Variants in IMMP2L observed in about 807,000 individuals in gnomAD.
IMMP2L encodes the protein inner mitochondrial membrane peptidase subunit 2, also known as mitochondrial inner membrane protease subunit 2.
In IMMP2L, 18 loss-of-function variants were observed where a neutral mutation model predicts 19.3. The ratio of observed to expected loss-of-function variants is 0.93; its 90% CI spans 0.64 to 1.38. The LOEUF is 1.38. IMMP2L is among the 40% of genes most tolerant of loss of function. The probability of loss-of-function intolerance (pLI) is 0.00; values close to 1 mark genes in which losing one functional copy is unlikely to be tolerated. For synonymous variants in IMMP2L, 76 were observed against 73.0 expected, an observed-to-expected ratio of 1.04 and a Z score of -0.21; for missense variants, 233 against 218.2, an observed-to-expected ratio of 1.07 and a Z score of -0.43.
chr7:110,879,568 A>G (rs2129544761), intron 5 of IMMP2L, among the ~76,000 whole-genome samples: 1 of 152,106 alleles, frequency 6.6e-6, no homozygotes, highest in African/African-American at 2.4e-5. Context: ...CCAATCCTGA[A>G]TTTTTTACTG....
intron 3 of IMMP2L, among the ~76,000 whole-genome samples, chr7:111,172,236 A>G (rs1806524533): frequency 6.6e-6 from 1 of 151,482 alleles, no homozygotes; most frequent in Non-Finnish European, 1.5e-5. Context: ...ACTGCACTCA[A>G]CATTGAGTGC....
chr7:111,042,105 T>C (rs1399495039), intron 3 of IMMP2L, among the ~76,000 whole-genome samples: 2 of 152,228 alleles, frequency 1.3e-5, no homozygotes, highest in African/African-American at 4.8e-5. Flanking sequence ...AAATATTCCT[T>C]ATAATCCCCC....
chr7:110,963,996 T>G (rs991357597), intron 3 of IMMP2L, among the ~76,000 whole-genome samples: 18 of 17,354 alleles, frequency 1.0e-3, no homozygotes, highest in Non-Finnish European at 1.7e-3. Flanking sequence ...GATTCCCTCA[T>G]GTTGTTCTCC....
intron 3 of IMMP2L, among the ~76,000 whole-genome samples, chr7:111,356,472 C>A (rs1368204980): frequency 6.6e-6 from 1 of 152,068 alleles, no homozygotes; most frequent in Non-Finnish European, 1.5e-5. Flanking sequence ...TATGTTATAT[C>A]AGGGATTTGA....
intron 3 of IMMP2L, among the ~76,000 whole-genome samples, chr7:111,377,333 T>C (rs1563118570): frequency 6.6e-6 from 1 of 152,040 alleles, no homozygotes; most frequent in African/African-American, 2.4e-5. Context: ...CTCTATAGTA[T>C]AGTATCCTTC....
intron 5 of IMMP2L, among the ~76,000 whole-genome samples, chr7:110,712,148 C>G (rs1299699087): frequency 7.8e-6 from 1 of 128,004 alleles, no homozygotes; most frequent in African/African-American, 2.6e-5. Context: ...GTTTTATCTA[C>G]TTTTGGTCTT....
chr7:111,526,804 T>C (rs1213539486), intron 1 of IMMP2L, among the ~76,000 whole-genome samples: 1 of 152,166 alleles, frequency 6.6e-6, no homozygotes, highest in East Asian at 1.9e-4. Context: ...CTGTTCATCA[T>C]GCCCTGCATG....
chr7:111,536,043 G>A (rs1480786552), intron 1 of IMMP2L, among the ~76,000 whole-genome samples: 4 of 152,002 alleles, frequency 2.6e-5, no homozygotes, highest in African/African-American at 4.8e-5. Context: ...AAAAGGAGAC[G>A]GGAGCTTGCC....
chr7:111,070,883 T>C (rs528570597), intron 3 of IMMP2L, among the ~76,000 whole-genome samples: 40 of 152,328 alleles, frequency 2.6e-4, no homozygotes, highest in South Asian at 1.0e-3. Context: ...CTTGGTACTA[T>C]TATTAATTCA....
At chr7:111,040,784 A>G (rs1055326875) in intron 3 of IMMP2L, among the ~76,000 whole-genome samples, 3 of 150,256 alleles carry the variant, frequency 2.0e-5, no homozygotes, top group Non-Finnish European at 4.4e-5. Flanking sequence ...ATAAAATCTA[A>G]TATTAAATCT....
chr7:111,316,684 G>A (rs1046777725), intron 3 of IMMP2L, among the ~76,000 whole-genome samples: 4 of 151,752 alleles, frequency 2.6e-5, no homozygotes, highest in South Asian at 2.1e-4. Flanking sequence ...AAGGACATCC[G>A]ATAGTCAAAA....
intron 3 of IMMP2L, among the ~76,000 whole-genome samples, chr7:111,045,158 G>A (rs1015168733): frequency 9.2e-5 from 14 of 152,132 alleles, no homozygotes; most frequent in Non-Finnish European, 1.5e-4. Flanking sequence ...CAAAATTTGC[G>A]TCTCTGTAAA....
rs944727095 is a variant in IMMP2L, at chr7:111,562,486, G to C, written c.-638C>G. 2 of 151,636 alleles carry C rather than the reference G, an allele frequency of 1.3e-5. No individual in the cohort carries two copies. The highest frequency in any genetic ancestry group is 1.3e-4 in the Admixed American group (2 of 15,190). The allele number at this position is 151,636 out of a possible 1,614,324, so 9.4% of individuals were successfully genotyped here. A position where few individuals can be genotyped will look rare whatever the true frequency, so the allele number is the denominator to read the frequency against. The stretch of plus-strand genomic sequence containing the variant: ...CACCCGCTGCGCAGCTCAGCCCGGG[G>C]GAAGTCCCCGCGCAGACCCCGCCCT... On this transcript the variant is annotated 5_prime_UTR_variant, in exon 1 of 6. Transcript: ENST00000405709.
intron 4 of IMMP2L, among the ~76,000 whole-genome samples, chr7:110,956,803 A>G (rs1385614508): frequency 1.3e-5 from 2 of 151,962 alleles, no homozygotes; most frequent in Admixed American, 6.6e-5. Flanking sequence ...CTGACTGGGC[A>G]GAGAAGATCT....
At chr7:111,280,873 T>C (rs1819617459) in intron 3 of IMMP2L, among the ~76,000 whole-genome samples, 1 of 151,664 alleles carries the variant, frequency 6.6e-6, no homozygotes, top group Admixed American at 6.6e-5. Flanking sequence ...ATCGAGACCA[T>C]CCTGTCTAAC....
At chr7:111,114,769 A>G in intron 3 of IMMP2L, among the ~76,000 whole-genome samples, 1 of 152,004 alleles carries the variant, frequency 6.6e-6, no homozygotes, top group Non-Finnish European at 1.5e-5. Flanking sequence ...AAAGAAAAAA[A>G]AAGAAATACA....
chr7:110,818,676 T>C (rs954076986), intron 5 of IMMP2L, among the ~76,000 whole-genome samples: 3 of 151,750 alleles, frequency 2.0e-5, no homozygotes, highest in Non-Finnish European at 2.9e-5. Context: ...ATGTTTATTG[T>C]GGCACTCACA....
At chr7:110,740,395 G>A (rs1796917275) in intron 5 of IMMP2L, among the ~76,000 whole-genome samples, 1 of 152,084 alleles carries the variant, frequency 6.6e-6, no homozygotes, top group African/African-American at 2.4e-5. Flanking sequence ...TATTACAACT[G>A]ATGCTACAGA....
chr7:110,679,922 G>A (rs905359077), intron 5 of IMMP2L, among the ~76,000 whole-genome samples: 15 of 152,188 alleles, frequency 9.9e-5, no homozygotes, highest in African/African-American at 3.6e-4. Flanking sequence ...TCATATGAGA[G>A]GACACTTCAC....
Sources: gnomAD v4.1 joint callset for allele counts (sites outside exome capture counted in the v4.1 genomes callset) on GRCh38, gnomAD v4.1.1 for gene constraint, MANE v1.5 for transcripts, NCBI Gene and HGNC (gene_info 2026-07-23, HGNC 2026-07-21) for gene names.